Variants in TENM3 observed in about 807,000 individuals in gnomAD.
TENM3 encodes teneurin transmembrane protein 3, also known as teneurin-3.
A neutral mutation model predicts 255.1 loss-of-function variants in TENM3; 63 were observed. The observed-to-expected ratio is 0.25, with a 90% CI of 0.20 to 0.30. TENM3 has a LOEUF of 0.30. Ranked by LOEUF, TENM3 falls within the 10% of genes least tolerant of loss-of-function variation. The probability of loss-of-function intolerance (pLI) is 1.00; values close to 1 mark genes in which losing one functional copy is unlikely to be tolerated. For missense variants in TENM3, 2,929 were observed against 3,461.1 expected (o/e 0.85, Z 3.86); for synonymous variants, 1,306 against 1,322.3 (o/e 0.99, Z 0.27).
Position 182,591,771 on chromosome 4 carries a change from T to C in TENM3, c.512-9153T>C, listed in dbSNP as rs571231559. 1.5e-3 allele frequency among the ~76,000 whole-genome samples: 224 copies of C among 152,338 alleles called. 1 individual carries two copies. The highest frequency in any genetic ancestry group is 2.3e-3 in the Non-Finnish European group (156 of 68,032). On this transcript the variant is annotated intron_variant, in intron 3 of 27. Transcript: ENST00000511685. ...AAGTGATTTTCTGAGTAAAATGAGG[T>C]CTTTCTTTTCCAATTTTTATTATGC...
chr4:182,280,063 G>A (rs562283879), intron 1 of TENM3, among the ~76,000 whole-genome samples: 91 of 152,292 alleles, frequency 6.0e-4, no homozygotes, highest in South Asian at 2.1e-3. Context: ...TCAGAGATTG[G>A]AGTGTCCTTT....
chr4:182,149,643 G>C (rs1304264303), intron 1 of TENM3, among the ~76,000 whole-genome samples: 1 of 151,958 alleles, frequency 6.6e-6, no homozygotes, highest in Non-Finnish European at 1.5e-5. Flanking sequence ...GGGTAGCACT[G>C]ACTTTTCAAA....
chr4:181,956,066 TTG>T, the TENM3 span, among the ~76,000 whole-genome samples: 3 of 152,158 alleles, frequency 2.0e-5, no homozygotes, highest in Non-Finnish European at 4.4e-5. Flanking sequence ...AAGGCAGATT[TTG>T]TGTCTGGTGA....
the TENM3 span, among the ~76,000 whole-genome samples, chr4:181,677,438 C>T: frequency 2.0e-5 from 3 of 152,118 alleles, no homozygotes; most frequent in African/African-American, 7.2e-5. Flanking sequence ...TTGAAAATGT[C>T]CCTCTTTCAC....
chr4:182,185,770 G>A (rs1304965878), intron 1 of TENM3, among the ~76,000 whole-genome samples: 3 of 152,194 alleles, frequency 2.0e-5, no homozygotes, highest in African/African-American at 7.2e-5. Flanking sequence ...TGCTTCTTCT[G>A]TTGAATCGAT....
chr4:181,600,670 T>C, the TENM3 span, among the ~76,000 whole-genome samples: 1 of 151,718 alleles, frequency 6.6e-6, no homozygotes, highest in Non-Finnish European at 1.5e-5. Flanking sequence ...AGCCATTCTT[T>C]CTTTGATATC....
At chr4:182,037,150 A>ATTTTTATTTTTTTTTTTT in the TENM3 span, among the ~76,000 whole-genome samples, 1 of 144,682 alleles carries the variant, frequency 6.9e-6, no homozygotes, top group African/African-American at 2.6e-5. Context: ...AACTCCTTTT[A>ATTTTTATTTTTTTTTTTT]TTTTTTTTTT....
At chr4:181,513,163 C>A in the TENM3 span, among the ~76,000 whole-genome samples, 4 of 152,136 alleles carry the variant, frequency 2.6e-5, no homozygotes, top group Admixed American at 2.6e-4. Flanking sequence ...CATTTTGAGT[C>A]ATTTAGCCTA....
chr4:182,445,790 A>G (rs1245996062), intron 3 of TENM3, among the ~76,000 whole-genome samples: 1 of 152,234 alleles, frequency 6.6e-6, no homozygotes, highest in Admixed American at 6.5e-5. Context: ...AACATAAAAT[A>G]GCCACATAAT....
In TENM3 at chr4:182,679,942, A is replaced by G. The variant is rs1756007219; in HGVS notation, c.1537+66A>G. ...CTAAACGCCGTGTTTAATAAAAACTAAATTATCTGTACCAATTTGGGGTAA... is the reference window on the plus strand; with the variant it reads ...CTAAACGCCGTGTTTAATAAAAACTGAATTATCTGTACCAATTTGGGGTAA... On this transcript the variant is annotated intron_variant, in intron 8 of 27. Coordinates refer to ENST00000511685, the MANE Select transcript of TENM3 (RefSeq NM_001080477.4). 3.6e-6 allele frequency: 5 copies of G among 1,376,678 alleles called. No individual in the cohort carries two copies. The African/African-American group carries it at 4.3e-5, about 12-fold the overall frequency. 85.3% of individuals were successfully genotyped at this position (1,376,678 alleles called of 1,614,324 possible).
At chr4:181,678,321 G>T in the TENM3 span, among the ~76,000 whole-genome samples, 3 of 152,058 alleles carry the variant, frequency 2.0e-5, no homozygotes, top group Non-Finnish European at 4.4e-5. Context: ...TCTCTGAGAA[G>T]GTAGCTTTCA....
chr4:182,363,606 A>G (rs918676141), intron 3 of TENM3, among the ~76,000 whole-genome samples: 27 of 152,116 alleles, frequency 1.8e-4, no homozygotes, highest in African/African-American at 5.8e-4. Flanking sequence ...AACACTCGAG[A>G]CAAACATTAT....
chr4:181,638,271 G>C, the TENM3 span, among the ~76,000 whole-genome samples: 1 of 152,138 alleles, frequency 6.6e-6, no homozygotes. Context: ...ATTAAATCAC[G>C]AATAAGTGGG....
At chr4:182,108,161 C>T in the TENM3 span, among the ~76,000 whole-genome samples, 28 of 152,170 alleles carry the variant, frequency 1.8e-4, no homozygotes, top group African/African-American at 6.3e-4. Flanking sequence ...CTGCACCGTA[C>T]CCTGCTACTA....
At chr4:181,825,758 G>A in the TENM3 span, among the ~76,000 whole-genome samples, 1 of 152,150 alleles carries the variant, frequency 6.6e-6, no homozygotes, top group African/African-American at 2.4e-5. Flanking sequence ...TACATAAAAT[G>A]TGGTGAACAT....
chr4:182,792,507 G>A lies in TENM3; in HGVS notation c.5835G>A (p.Arg1945=), dbSNP rs2152830372. 6.2e-7 allele frequency: 1 copy of A among 1,613,992 alleles called. No homozygotes were observed. Among genetic ancestry groups the A allele is most frequent in the Admixed American group, 1.7e-5 (1 of 60,018 alleles). Residue 1945 remains arginine, a synonymous_variant, in exon 26 of 28, where the codon AGG becomes AGA. Transcript: ENST00000511685. The surrounding 1 kb of genome is among the most constrained non-coding windows in gnomAD (Gnocchi z 6.3). The part of the protein sequence containing the change: ...LQTAFLGTSR[R]VLFKYRRQTR... The stretch of plus-strand genomic sequence containing the variant: ...CAGCTTTCTTGGGTACAAGTCGGAG[G>A]GTCTTATTCAAATACAGAAGGCAGA...
chr4:181,562,661 C>A, the TENM3 span, among the ~76,000 whole-genome samples: 1 of 151,458 alleles, frequency 6.6e-6, no homozygotes, highest in African/African-American at 2.4e-5. Context: ...GAACAGAGAA[C>A]AAATAGATTC....
At chr4:181,635,192 A>G in the TENM3 span, among the ~76,000 whole-genome samples, 2 of 152,220 alleles carry the variant, frequency 1.3e-5, no homozygotes, top group Non-Finnish European at 2.9e-5. Flanking sequence ...GAGAAAGTTG[A>G]AAAATGAATT....
At chr4:182,009,100 G>A in the TENM3 span, among the ~76,000 whole-genome samples, 1 of 152,040 alleles carries the variant, frequency 6.6e-6, no homozygotes, top group Non-Finnish European at 1.5e-5. Context: ...AGCAAAGATG[G>A]GTATCTCCTC....
Sources: gnomAD v4.1 joint callset for allele counts (sites outside exome capture counted in the v4.1 genomes callset) on GRCh38, gnomAD v4.1.1 for gene constraint, Gnocchi (gnomAD v3.1) non-coding constraint, MANE v1.5 for transcripts, NCBI Gene and HGNC (gene_info 2026-07-23, HGNC 2026-07-21) for gene names.